The following ADAM32 variants were observed in gnomAD, a reference collection of about 807,000 sequenced individuals.
The protein encoded by ADAM32 is disintegrin and metalloproteinase domain-containing protein 32.
A neutral mutation model predicts 114.9 loss-of-function variants in ADAM32; 89 were observed. The ratio of observed to expected loss-of-function variants is 0.77; its 90% CI spans 0.65 to 0.92. The LOEUF (loss-of-function observed/expected upper bound fraction) is 0.92, where lower values mean the gene tolerates loss of function less well. Ranked by LOEUF, ADAM32 falls within the 40% of genes least tolerant of loss-of-function variation. The pLI is 0.00. For missense variants in ADAM32, 870 were observed against 932.8 expected (o/e 0.93, Z 0.88); for synonymous variants, 285 against 307.5 (o/e 0.93, Z 0.77).
intron 10 of ADAM32, among the ~76,000 whole-genome samples, chr8:39,172,472 T>C (rs945655500): frequency 3.9e-5 from 6 of 152,180 alleles, no homozygotes; most frequent in Admixed American, 2.0e-4. Context: ...TTTATCCTGG[T>C]GCTCTCCCTT....
intron 9 of ADAM32, chr8:39,165,849 T>C (rs1055885518): frequency 6.6e-6 from 1 of 152,134 alleles, no homozygotes; most frequent in African/African-American, 2.4e-5. Context: ...CTTTTAATTT[T>C]TGGTAGTCTG....
At chr8:39,221,739 A>G (rs1808978140) in intron 13 of ADAM32, 37 bp downstream of exon 13, 2 of 1,500,824 alleles carry the variant, frequency 1.3e-6, no homozygotes, top group Non-Finnish European at 1.8e-6. Flanking sequence ...TCAAATATAT[A>G]ACAAATCATG....
intron 10 of ADAM32, among the ~76,000 whole-genome samples, chr8:39,176,875 T>TC (rs1456709897): frequency 6.6e-6 from 1 of 152,202 alleles, no homozygotes; most frequent in Non-Finnish European, 1.5e-5. Flanking sequence ...TACTCCTGTA[T>TC]CGGGTGCTTA....
At chr8:39,245,360 G>C (rs1810838003) in intron 16 of ADAM32, among the ~76,000 whole-genome samples, 1 of 152,170 alleles carries the variant, frequency 6.6e-6, no homozygotes, top group African/African-American at 2.4e-5. Context: ...AGTGTGCACT[G>C]CTAGGATGAT....
chr8:39,119,345 T>C, intron 2 of ADAM32, among the ~76,000 whole-genome samples: 1 of 152,230 alleles, frequency 6.6e-6, no homozygotes. Context: ...TTTTTGAGTG[T>C]TCCAGTTTTT....
intron 19 of ADAM32, among the ~76,000 whole-genome samples, chr8:39,263,123 G>T (rs1326857115): frequency 6.6e-6 from 1 of 152,158 alleles, no homozygotes; most frequent in Non-Finnish European, 1.5e-5. Flanking sequence ...TCTGGAGGAA[G>T]TACATTACAG....
At chr8:39,204,202 T>A (rs1029014508) in intron 11 of ADAM32, among the ~76,000 whole-genome samples, 2 of 152,204 alleles carry the variant, frequency 1.3e-5, no homozygotes, top group Admixed American at 6.5e-5. Context: ...GGGGAAGTTC[T>A]CCTGGATAAT....
chr8:39,179,333 G>A (rs764220474), intron 10 of ADAM32, among the ~76,000 whole-genome samples: 2 of 152,222 alleles, frequency 1.3e-5, no homozygotes, highest in African/African-American at 4.8e-5. Flanking sequence ...GCTACTGGCT[G>A]GCTCGAATTC....
chr8:39,179,057 T>G (rs1200125789), intron 10 of ADAM32, among the ~76,000 whole-genome samples: 1 of 152,162 alleles, frequency 6.6e-6, no homozygotes, highest in African/African-American at 2.4e-5. Context: ...ACAGAGCAGA[T>G]GTGCTGTGTT....
chr8:39,130,834 A>C (rs1802400749), intron 2 of ADAM32: 1 of 455,702 alleles, frequency 2.2e-6, no homozygotes, highest in Non-Finnish European at 4.4e-6. Context: ...TTAATTATGC[A>C]CTTGAAAAGA....
At chr8:39,124,336 C>G (rs1349633370) in intron 2 of ADAM32, among the ~76,000 whole-genome samples, 1 of 151,876 alleles carries the variant, frequency 6.6e-6, no homozygotes, top group East Asian at 1.9e-4. Flanking sequence ...CTATCCATGT[C>G]TCTGCAAAGG....
chr8:39,178,313 G>C (rs1456435503), intron 10 of ADAM32, among the ~76,000 whole-genome samples: 1 of 152,062 alleles, frequency 6.6e-6, no homozygotes, highest in Non-Finnish European at 1.5e-5. Context: ...TTCTGCTATT[G>C]ATACTTGTGA....
intron 11 of ADAM32, among the ~76,000 whole-genome samples, chr8:39,189,436 T>G (rs921876187): frequency 1.3e-5 from 2 of 152,170 alleles, no homozygotes; most frequent in East Asian, 1.9e-4. Flanking sequence ...ATCATTTTTT[T>G]TGGGGTAAAA....
intron 4 of ADAM32, among the ~76,000 whole-genome samples, chr8:39,148,367 CAT>C (rs1803631858): frequency 6.6e-6 from 1 of 152,090 alleles, no homozygotes; most frequent in South Asian, 2.1e-4. Flanking sequence ...CCAACAGACC[CAT>C]ATGTTTTTCA....
chr8:39,120,075 T>G (rs1267633057), intron 2 of ADAM32, among the ~76,000 whole-genome samples: 1 of 152,230 alleles, frequency 6.6e-6, no homozygotes, highest in Non-Finnish European at 1.5e-5. Context: ...AAATCAGCCC[T>G]GTTGGCACCT....
intron 17 of ADAM32, among the ~76,000 whole-genome samples, chr8:39,250,522 A>G (rs1254902905): frequency 1.3e-5 from 2 of 152,158 alleles, no homozygotes; most frequent in Middle Eastern, 3.4e-3. Context: ...CATATGAAGT[A>G]TAATTGTTTT....
intron 7 of ADAM32, among the ~76,000 whole-genome samples, chr8:39,162,428 G>C (rs940894373): frequency 3.3e-5 from 5 of 151,976 alleles, no homozygotes; most frequent in African/African-American, 1.2e-4. Context: ...CATTTGGGTT[G>C]GTTCCAAGTC....
At chr8:39,108,925 A>T (rs1840039167) in intron 1 of ADAM32, among the ~76,000 whole-genome samples, 2 of 152,086 alleles carry the variant, frequency 1.3e-5, no homozygotes, top group South Asian at 4.1e-4. Context: ...AAATTCTCTG[A>T]TGTCTCATCT....
intron 17 of ADAM32, among the ~76,000 whole-genome samples, chr8:39,251,791 A>G (rs963345543): frequency 6.6e-6 from 1 of 151,728 alleles, no homozygotes; most frequent in African/African-American, 2.4e-5. Flanking sequence ...AAATAATTAC[A>G]TAATCAGTGT....
Sources: allele counts gnomAD v4.1 joint callset (sites outside exome capture counted in the v4.1 genomes callset), GRCh38; gene constraint gnomAD v4.1.1; transcripts MANE v1.5; gene names NCBI Gene and HGNC (gene_info 2026-07-23, HGNC 2026-07-21).